The following EFEMP1 variants were observed in gnomAD, a reference collection of about 807,000 sequenced individuals.
The protein encoded by EFEMP1 is EGF-containing fibulin-like extracellular matrix protein 1.
Under a neutral mutation model 65.7 loss-of-function variants are expected in EFEMP1, and 18 were observed. The ratio of observed to expected loss-of-function variants is 0.27; its 90% CI spans 0.19 to 0.41. The LOEUF (loss-of-function observed/expected upper bound fraction) is 0.41. Ranked by LOEUF, EFEMP1 falls within the 10% of genes least tolerant of loss-of-function variation. The pLI is 1.00. For missense variants in EFEMP1, 469 were observed against 624.8 expected, an observed-to-expected ratio of 0.75 and a Z score of 2.66; for synonymous variants, 237 against 219.7, an observed-to-expected ratio of 1.08 and a Z score of -0.70.
chr2:55,896,420 T>C (rs146708992), intron 5 of EFEMP1, among the ~76,000 whole-genome samples: 1 of 152,204 alleles, frequency 6.6e-6, no homozygotes, highest in East Asian at 1.9e-4. Flanking sequence ...TGCAGTTATA[T>C]TCTATGTGGA....
rs1236211936 is a variant in EFEMP1, at chr2:55,867,065, A to G, written c.*8T>C. On this transcript the variant is annotated 3_prime_UTR_variant, in exon 12 of 12. Transcript: ENST00000355426. This position sits in a 1 kb window ranked among gnomAD's most constrained non-coding sequence, Gnocchi z 4.3. ...ACTTAAATGCCTGTGGTTGACTCTT[A>G]GAAAAGACTAAAATGAAAATGGCCC... 6.2e-7 allele frequency: 1 copy of G among 1,612,024 alleles called. No homozygotes were observed. Among genetic ancestry groups the G allele is most frequent in the Non-Finnish European group, 8.5e-7 (1 of 1,179,740 alleles).
In EFEMP1 at chr2:55,905,721, T is replaced by C. The variant is rs561497757; in HGVS notation, c.517+11944A>G. On this transcript the variant is annotated intron_variant, in intron 5 of 11. Transcript: ENST00000355426. Reference sequence around the variant, plus strand: ...GCCTCAGCCTCCCAAAGTGCTGGGATTACAGGTGTGAGCCACCGCGCCCAG... The same window carrying C: ...GCCTCAGCCTCCCAAAGTGCTGGGACTACAGGTGTGAGCCACCGCGCCCAG... 1.7e-3 allele frequency among the ~76,000 whole-genome samples: 255 copies of C among 152,280 alleles called. 1 individual carries two copies. The highest frequency in any genetic ancestry group is 5.8e-3 in the African/African-American group (241 of 41,556).
Position 55,922,362 on chromosome 2 carries a change from T to C in EFEMP1, c.79A>G (p.Thr27Ala). 6.2e-7 allele frequency: 1 copy of C among 1,613,702 alleles called. No individual in the cohort carries two copies. Among genetic ancestry groups the C allele is most frequent in the South Asian group, 1.1e-5 (1 of 91,070 alleles). ...SQDTEETITY[T>A]QCTDGYEWDP... ...TTTCAAATTCCATCACCCCTTACCG[T>C]GTACGTGATGGTTTCTTCGGTGTCC... The change falls in exon 3 of 12, where the codon ACG becomes GCG. Residue 27 changes from threonine (T) to alanine (A), a missense_variant and splice_region_variant. Physicochemically the swap from Thr to Ala is moderately conservative, Grantham distance 58 (BLOSUM62 0). Transcript: ENST00000355426. This position sits in a 1 kb window ranked among gnomAD's most constrained non-coding sequence, Gnocchi z 5.5.
intron 5 of EFEMP1, among the ~76,000 whole-genome samples, chr2:55,908,299 G>A (rs997690586): frequency 3.3e-5 from 5 of 152,022 alleles, no homozygotes; most frequent in African/African-American, 1.2e-4. Flanking sequence ...GAGTTTCTTC[G>A]CAGTATCAGA....
intron 5 of EFEMP1, among the ~76,000 whole-genome samples, chr2:55,902,888 C>G (rs1012900119): frequency 2.0e-5 from 3 of 152,162 alleles, no homozygotes; most frequent in Non-Finnish European, 2.9e-5. Context: ...ATATATCAAT[C>G]AAGAACCATA....
intron 5 of EFEMP1, among the ~76,000 whole-genome samples, chr2:55,901,040 C>T (rs1209439235): frequency 1.3e-5 from 2 of 151,946 alleles, no homozygotes; most frequent in Admixed American, 6.6e-5. Context: ...ACTTTTGGGG[C>T]AAAAGAAACG....
rs953276490 is a variant in EFEMP1, at chr2:55,919,291, G to T, written c.82-1024C>A. ...TGGAAGCCTGAATTCTACCCTGAAG[G>T]TCAGTGAATCTCAAGCTTTATTGTG... On this transcript the variant is annotated intron_variant, in intron 3 of 11. Transcript: ENST00000355426. This position sits in a 1 kb window ranked among gnomAD's most constrained non-coding sequence, Gnocchi z 4.5. Among the ~76,000 whole-genome samples, 2 of 152,204 alleles carry T rather than the reference G, an allele frequency of 1.3e-5. No individual in the cohort carries two copies. The highest frequency in any genetic ancestry group is 4.8e-5 in the African/African-American group (2 of 41,446).
At chr2:55,890,025 C>A (rs1037862267) in intron 5 of EFEMP1, among the ~76,000 whole-genome samples, 1 of 151,846 alleles carries the variant, frequency 6.6e-6, no homozygotes, top group African/African-American at 2.4e-5. Flanking sequence ...AATGCACTCA[C>A]TAAAAACCAA....
At chr2:55,895,527 C>T (rs1385938563) in intron 5 of EFEMP1, among the ~76,000 whole-genome samples, 1 of 151,414 alleles carries the variant, frequency 6.6e-6, no homozygotes, top group African/African-American at 2.4e-5. Context: ...TTTAGGACAG[C>T]TGTGTCCACA....
At chr2:55,889,021 C>T (rs1482207311) in intron 5 of EFEMP1, among the ~76,000 whole-genome samples, 2 of 152,222 alleles carry the variant, frequency 1.3e-5, no homozygotes, top group Non-Finnish European at 2.9e-5. Context: ...TGACTACATT[C>T]AACTGAGTCT....
At chr2:55,881,780 G>A (rs1261491511) in intron 5 of EFEMP1, 46 bp from the exon 6 acceptor site, 1 of 1,613,222 alleles carries the variant, frequency 6.2e-7, no homozygotes, top group African/African-American at 1.3e-5. Flanking sequence ...TTGTGAAGAT[G>A]TTGATATTTC....
At chr2:55,906,190 A>G (rs559090862) in intron 5 of EFEMP1, among the ~76,000 whole-genome samples, 54 of 150,148 alleles carry the variant, frequency 3.6e-4, no homozygotes, top group Non-Finnish European at 6.6e-4. Context: ...GAGGGAGGTC[A>G]TATGATTGAA....
At position 55,888,334 on chromosome 2, in the gene EFEMP1, C is replaced by CTTT. The variant is rs71713705; in HGVS notation, c.518-6603_518-6601dup. On this transcript the variant is annotated intron_variant, in intron 5 of 11. Coordinates refer to ENST00000355426, the MANE Select transcript of EFEMP1 (RefSeq NM_001039348.3). ...AAACTCTTTTTTTTTCCTTCTTAAA[C>CTTT]TTTTTTTTTTTTTTTTTTTTTGAGA... Among the ~76,000 whole-genome samples the CTTT allele has an allele frequency of 1.8e-3, 211 of 114,296 alleles. 5 individuals carry two copies. Among genetic ancestry groups the CTTT allele is most frequent in the African/African-American group, 3.3e-3 (90 of 27,566 alleles). 75.0% of individuals were successfully genotyped at this position (114,296 alleles called of 152,430 possible).
chr2:55,910,692 C>T (rs531769736), intron 5 of EFEMP1, among the ~76,000 whole-genome samples: 1 of 152,262 alleles, frequency 6.6e-6, no homozygotes, highest in African/African-American at 2.4e-5. Context: ...TAAGTGTTAA[C>T]TAGTCTTAAA....
At chr2:55,881,882 T>C (rs1669256906) in intron 5 of EFEMP1, 148 bp from the exon 6 acceptor site, 2 of 1,105,334 alleles carry the variant, frequency 1.8e-6, no homozygotes, top group Admixed American at 3.9e-5. Context: ...TTATAAATTA[T>C]TTCAAGTGTT....
chr2:55,908,337 A>G (rs1670357919), intron 5 of EFEMP1, among the ~76,000 whole-genome samples: 1 of 152,154 alleles, frequency 6.6e-6, no homozygotes, highest in African/African-American at 2.4e-5. Flanking sequence ...TTCTACCCTT[A>G]CAGAAAGACA....
intron 5 of EFEMP1, among the ~76,000 whole-genome samples, chr2:55,900,170 G>A (rs965268042): frequency 2.0e-5 from 3 of 152,186 alleles, no homozygotes; most frequent in Non-Finnish European, 2.9e-5. Flanking sequence ...TGGTGATGAG[G>A]AAAGAGGAAT....
intron 3 of EFEMP1, among the ~76,000 whole-genome samples, chr2:55,918,611 G>T (rs1476524327): frequency 7.7e-6 from 1 of 130,146 alleles, no homozygotes. Context: ...CATTGGAAAT[G>T]TTAAAAAAAA....
rs1270725180 is a variant in EFEMP1 at position 55,917,711 on chromosome 2, G to C, written c.471C>G (p.Ile157Met). The C allele has an allele frequency of 1.9e-6, 3 of 1,614,098 alleles. No individual in the cohort carries two copies. In the African/African-American group the frequency reaches 4.0e-5, roughly 22 times the overall value. ...TTTGCTCGTAGCCTGCTGCACACTG[G>C]ATACGGTGGGAAGGGTTGGAGGGAA... is the stretch of plus-strand genomic sequence containing the variant. The part of the protein sequence containing the change: ...QRIPSNPSHR[I>M]QCAAGYEQSE... The change falls in exon 5 of 12, where the codon ATC (isoleucine) becomes ATG (methionine). Residue 157 changes from isoleucine (I) to methionine (M), a missense_variant. Physicochemically the swap from Ile to Met is conservative, Grantham distance 10 (BLOSUM62 1). Transcript: ENST00000355426. The surrounding 1 kb of genome is among the most constrained non-coding windows in gnomAD (Gnocchi z 6.3).
Sources: allele counts gnomAD v4.1 joint callset (sites outside exome capture counted in the v4.1 genomes callset), GRCh38; gene constraint gnomAD v4.1.1; non-coding constraint Gnocchi (gnomAD v3.1); transcripts MANE v1.5; gene names NCBI Gene and HGNC (gene_info 2026-07-23, HGNC 2026-07-21).